CSTPP1: variants seen among roughly 807,000 people sequenced by gnomAD.
CSTPP1 encodes the protein UPF0705 protein C11orf49.
chr11:46,996,345 C>A, the CSTPP1 span, among the ~76,000 whole-genome samples: 1 of 151,742 alleles, frequency 6.6e-6, no homozygotes, highest in Admixed American at 6.6e-5. Context: ...GCTCTGTCGC[C>A]CAGGCTGGAG....
the CSTPP1 span, among the ~76,000 whole-genome samples, chr11:47,066,567 ATGAATACAAATTATTAT>A: frequency 6.6e-6 from 1 of 152,242 alleles, no homozygotes; most frequent in Non-Finnish European, 1.5e-5. Flanking sequence ...TGGAAAATGA[ATGAATACAAATTATTAT>A]TGAATACAAA....
At chr11:47,060,466 G>A in the CSTPP1 span, among the ~76,000 whole-genome samples, 1 of 151,840 alleles carries the variant, frequency 6.6e-6, no homozygotes, top group Non-Finnish European at 1.5e-5. Context: ...TCAAACTCCT[G>A]GGCTCAAGCA....
the CSTPP1 span, among the ~76,000 whole-genome samples, chr11:47,152,271 C>T: frequency 6.6e-6 from 1 of 151,962 alleles, no homozygotes; most frequent in African/African-American, 2.4e-5. Context: ...TCTATTGTTA[C>T]CCGTATTAAG....
At chr11:47,116,988 T>C in the CSTPP1 span, among the ~76,000 whole-genome samples, 7 of 152,178 alleles carry the variant, frequency 4.6e-5, no homozygotes, top group Non-Finnish European at 1.0e-4. Context: ...GCCTGTTTGG[T>C]AGATCTTTCT....
chr11:46,987,116 T>C, the CSTPP1 span: 3 of 1,199,588 alleles, frequency 2.5e-6, no homozygotes, highest in Non-Finnish European at 3.7e-6. Context: ...AACACCTGGA[T>C]TGCCTTACAC....
the CSTPP1 span, among the ~76,000 whole-genome samples, chr11:47,036,034 G>GATATATATATATATATAATATAT: frequency 3.9e-5 from 1 of 25,394 alleles, no homozygotes; most frequent in Admixed American, 4.4e-4. Flanking sequence ...GGAGTGAAAA[G>GATATATATATATATATAATATAT]ATATATATAT....
At chr11:46,948,241 T>C in the CSTPP1 span, 5 of 434,668 alleles carry the variant, frequency 1.2e-5, no homozygotes, top group African/African-American at 4.1e-5. Context: ...CCTTTCTCTC[T>C]GTGTGGAGTT....
At chr11:47,075,159 G>A in the CSTPP1 span, among the ~76,000 whole-genome samples, 1 of 152,138 alleles carries the variant, frequency 6.6e-6, no homozygotes, top group Non-Finnish European at 1.5e-5. Flanking sequence ...ATCACTTGAG[G>A]TCAGGAGTTC....
At chr11:46,998,792 G>A in the CSTPP1 span, among the ~76,000 whole-genome samples, 1 of 152,026 alleles carries the variant, frequency 6.6e-6, no homozygotes, top group African/African-American at 2.4e-5. Flanking sequence ...CTGGGGTGCA[G>A]TGGCGCGATC....
At chr11:47,013,451 C>T in the CSTPP1 span, among the ~76,000 whole-genome samples, 6 of 152,096 alleles carry the variant, frequency 3.9e-5, no homozygotes, top group African/African-American at 1.2e-4. Flanking sequence ...TCCCCATGTC[C>T]ATGTTTTCTC....
At chr11:47,144,756 A>G in the CSTPP1 span, among the ~76,000 whole-genome samples, 1 of 152,138 alleles carries the variant, frequency 6.6e-6, no homozygotes, top group African/African-American at 2.4e-5. Context: ...AGGGTTGGGA[A>G]GCTCTGCTCC....
At chr11:47,062,417 T>A in the CSTPP1 span, among the ~76,000 whole-genome samples, 1 of 152,168 alleles carries the variant, frequency 6.6e-6, no homozygotes, top group Non-Finnish European at 1.5e-5. Context: ...AAAATCTGCT[T>A]TACACTAACT....
the CSTPP1 span, among the ~76,000 whole-genome samples, chr11:47,083,118 A>AT: frequency 6.6e-6 from 1 of 151,610 alleles, no homozygotes; most frequent in African/African-American, 2.4e-5. Flanking sequence ...CCCACTTATA[A>AT]ATGAGAACAT....
the CSTPP1 span, among the ~76,000 whole-genome samples, chr11:47,000,621 A>T: frequency 5.9e-5 from 9 of 152,222 alleles, no homozygotes; most frequent in African/African-American, 1.4e-4. Context: ...ACGTGAGAAT[A>T]TGCAGCATTC....
the CSTPP1 span, among the ~76,000 whole-genome samples, chr11:47,057,396 A>G: frequency 6.6e-6 from 1 of 152,178 alleles, no homozygotes; most frequent in Non-Finnish European, 1.5e-5. Context: ...ATATATACAC[A>G]TACATACATA....
At chr11:47,163,572 A>G in the CSTPP1 span, among the ~76,000 whole-genome samples, 1 of 152,178 alleles carries the variant, frequency 6.6e-6, no homozygotes, top group African/African-American at 2.4e-5. Context: ...ACACACAAAC[A>G]CACACCTTTT....
the CSTPP1 span, among the ~76,000 whole-genome samples, chr11:46,976,398 C>T: frequency 1.8e-4 from 4 of 22,194 alleles, no homozygotes; most frequent in Admixed American, 5.1e-4. Context: ...TTCAGTCACA[C>T]ACACACACAC....
chr11:47,119,833 A>C, the CSTPP1 span, among the ~76,000 whole-genome samples: 7 of 151,560 alleles, frequency 4.6e-5, no homozygotes, highest in Non-Finnish European at 1.0e-4. Context: ...CTGGTCTCGA[A>C]CTCCTGACCT....
At chr11:47,038,950 C>T in the CSTPP1 span, among the ~76,000 whole-genome samples, 2 of 123,280 alleles carry the variant, frequency 1.6e-5, 1 homozygote, top group Admixed American at 1.7e-4. Context: ...GATGGGCCGC[C>T]GGGCAGAGAC....
Sources: gnomAD v4.1 joint callset for allele counts (sites outside exome capture counted in the v4.1 genomes callset) on GRCh38, gnomAD v4.1.1 for gene constraint, MANE v1.5 for transcripts, NCBI Gene and HGNC (gene_info 2026-07-23, HGNC 2026-07-21) for gene names.